The following PLXNA4 variants were observed in gnomAD, a reference collection of about 807,000 sequenced individuals.
The protein encoded by PLXNA4 is plexin-A4.
PLXNA4 carries 44 observed loss-of-function variants against 191.8 expected under a neutral mutation model. The observed-to-expected ratio is 0.23, with a 90% CI of 0.18 to 0.29. The LOEUF (loss-of-function observed/expected upper bound fraction) is 0.29, where lower values mean the gene tolerates loss of function less well. Ranked by LOEUF, PLXNA4 falls within the 10% of genes least tolerant of loss-of-function variation. The pLI, the probability that PLXNA4 is intolerant of heterozygous loss-of-function variation, is 1.00. For synonymous variants in PLXNA4, 1,082 were observed against 1,009.5 expected (o/e 1.07, Z -1.36); for missense variants, 1,800 against 2,488.8 (o/e 0.72, Z 5.89).
chr7:132,175,544 T>C (rs1383671654), intron 20 of PLXNA4, among the ~76,000 whole-genome samples: 1 of 152,226 alleles, frequency 6.6e-6, no homozygotes, highest in Non-Finnish European at 1.5e-5. Flanking sequence ...AAGGTGATGC[T>C]ACTTGATGGT....
intron 2 of PLXNA4, among the ~76,000 whole-genome samples, chr7:132,642,424 AG>A (rs1803761468): frequency 1.3e-5 from 2 of 152,050 alleles, no homozygotes; most frequent in South Asian, 2.1e-4. Context: ...TGGGATGAAC[AG>A]GGTTGCCCTT....
chr7:132,135,537 T>C (rs1795086005), intron 30 of PLXNA4, among the ~76,000 whole-genome samples: 2 of 152,318 alleles, frequency 1.3e-5, no homozygotes, highest in Middle Eastern at 3.4e-3. Context: ...GGCCACTGTG[T>C]CTGCAGTGAA....
intron 3 of PLXNA4, among the ~76,000 whole-genome samples, chr7:132,373,205 G>A (rs1326051638): frequency 6.6e-6 from 1 of 152,176 alleles, no homozygotes; most frequent in Non-Finnish European, 1.5e-5. Flanking sequence ...GACAAGCCCT[G>A]GCTGCCCATG....
intron 3 of PLXNA4, among the ~76,000 whole-genome samples, chr7:132,392,410 A>G (rs1275540435): frequency 6.6e-6 from 1 of 152,130 alleles, no homozygotes; most frequent in Non-Finnish European, 1.5e-5. Context: ...TTTCAGACTC[A>G]CTCTCTGAAA....
At chr7:132,149,989 C>T (rs987051819) in intron 25 of PLXNA4, among the ~76,000 whole-genome samples, 1 of 152,134 alleles carries the variant, frequency 6.6e-6, no homozygotes, top group African/African-American at 2.4e-5. Flanking sequence ...AAGCCCCTTG[C>T]CTCCAGTCCC....
chr7:132,135,395 C>T (rs1166052161), intron 30 of PLXNA4, among the ~76,000 whole-genome samples: 1 of 152,184 alleles, frequency 6.6e-6, no homozygotes, highest in African/African-American at 2.4e-5. Flanking sequence ...AGCAAAGACT[C>T]CTGTAATTTC....
chr7:132,537,289 T>C (rs2116477568), intron 1 of PLXNA4, among the ~76,000 whole-genome samples: 1 of 152,234 alleles, frequency 6.6e-6, no homozygotes, highest in African/African-American at 2.4e-5. Context: ...AGGCAGGAGG[T>C]TGGAGCAAGC....
At chr7:132,354,878 A>G (rs1287153606) in intron 3 of PLXNA4, among the ~76,000 whole-genome samples, 1 of 152,194 alleles carries the variant, frequency 6.6e-6, no homozygotes, top group Non-Finnish European at 1.5e-5. Context: ...CATGAGCATA[A>G]ATGAGTCTAG....
chr7:132,468,956 C>T (rs1247408242), intron 3 of PLXNA4, among the ~76,000 whole-genome samples: 1 of 151,782 alleles, frequency 6.6e-6, no homozygotes, highest in Non-Finnish European at 1.5e-5. Context: ...CAGAACATGG[C>T]CTGTGGAATG....
chr7:132,179,578 C>T, intron 20 of PLXNA4, 109 bp downstream of exon 20: 1 of 1,473,482 alleles, frequency 6.8e-7, no homozygotes, highest in Admixed American at 2.1e-5. Flanking sequence ...TGCTGCCCAG[C>T]CTGCTTGTTT....
At chr7:132,282,423 A>G (rs1352241587) in intron 4 of PLXNA4, among the ~76,000 whole-genome samples, 8 of 151,862 alleles carry the variant, frequency 5.3e-5, no homozygotes, top group African/African-American at 1.7e-4. Flanking sequence ...AAATACAAAA[A>G]TTAATTGGGC....
intron 3 of PLXNA4, among the ~76,000 whole-genome samples, chr7:132,461,511 A>T (rs1391000329): frequency 1.3e-5 from 2 of 152,222 alleles, no homozygotes; most frequent in East Asian, 1.9e-4. Flanking sequence ...GAATGATAAT[A>T]ATAATAGTGA....
intron 3 of PLXNA4, among the ~76,000 whole-genome samples, chr7:132,463,039 G>A (rs62467590): frequency 0.068 from 10,323 of 151,812 alleles, 512 homozygotes; most frequent in East Asian, 0.21. Context: ...TAGTAGAAAC[G>A]GGGTTTCACC....
chr7:132,617,424 A>G (rs1038503732), intron 2 of PLXNA4, among the ~76,000 whole-genome samples: 1 of 152,222 alleles, frequency 6.6e-6, no homozygotes, highest in African/African-American at 2.4e-5. Flanking sequence ...CCTGGGCTAC[A>G]GAGCTTCAAG....
rs897999688 is a variant in PLXNA4 at position 132,228,239 on chromosome 7, C to T, written c.1728+107G>A. 24 of 1,464,168 alleles carry T rather than the reference C, an allele frequency of 1.6e-5. 1 individual carries two copies. Among genetic ancestry groups the T allele is most frequent in the Admixed American group, 5.9e-5 (3 of 51,234 alleles). The allele number at this position is 1,464,168 out of a possible 1,614,324, so 90.7% of individuals were successfully genotyped here. On this transcript the variant is annotated intron_variant, in intron 6 of 31. Transcript: ENST00000321063. Reference sequence around the variant, plus strand: ...CTTCTCTTGAGCTGCTTCTGCTGGCCGGGCTTGGCCCAGTCCTCCAGAGGG... The same window carrying T: ...CTTCTCTTGAGCTGCTTCTGCTGGCTGGGCTTGGCCCAGTCCTCCAGAGGG...
chr7:132,317,562 G>A (rs1801995538), intron 3 of PLXNA4, among the ~76,000 whole-genome samples: 1 of 152,156 alleles, frequency 6.6e-6, no homozygotes, highest in Non-Finnish European at 1.5e-5. Context: ...GTTGTGTTAT[G>A]TTGAATTGGA....
chr7:132,222,192 A>G (rs760588683), intron 9 of PLXNA4, among the ~76,000 whole-genome samples: 1 of 152,194 alleles, frequency 6.6e-6, no homozygotes, highest in Non-Finnish European at 1.5e-5. Context: ...CCACCTGTAG[A>G]ACTCCTGCTC....
chr7:132,591,216 C>T (rs1041758938), intron 2 of PLXNA4, among the ~76,000 whole-genome samples: 2 of 152,134 alleles, frequency 1.3e-5, no homozygotes, highest in African/African-American at 4.8e-5. Context: ...GGGTGGGCCA[C>T]AGAAACACAG....
chr7:132,382,902 C>T (rs1396634357), intron 3 of PLXNA4, among the ~76,000 whole-genome samples: 1 of 152,048 alleles, frequency 6.6e-6, no homozygotes, highest in African/African-American at 2.4e-5. Flanking sequence ...TATGCATACA[C>T]AAATGTAGTT....
Sources: gnomAD v4.1 joint callset for allele counts (sites outside exome capture counted in the v4.1 genomes callset) on GRCh38, gnomAD v4.1.1 for gene constraint, MANE v1.5 for transcripts, NCBI Gene and HGNC (gene_info 2026-07-23, HGNC 2026-07-21) for gene names.